The following FGF18 variants were observed in gnomAD, a reference collection of about 807,000 sequenced individuals.
FGF18 encodes fibroblast growth factor 18.
A neutral mutation model predicts 23.0 loss-of-function variants in FGF18; 5 were observed. The ratio of observed to expected loss-of-function variants is 0.22; its 90% CI spans 0.11 to 0.46. FGF18 has a LOEUF of 0.46. Ranked by LOEUF, FGF18 falls within the 20% of genes least tolerant of loss-of-function variation. The probability of loss-of-function intolerance (pLI) is 0.99; values close to 1 mark genes in which losing one functional copy is unlikely to be tolerated. For missense variants in FGF18, 180 were observed against 291.6 expected (o/e 0.62, Z 2.79); for synonymous variants, 117 against 118.9 (o/e 0.98, Z 0.10).
At chr5:171,432,823 T>C (rs942461476) in intron 2 of FGF18, among the ~76,000 whole-genome samples, 1 of 152,242 alleles carries the variant, frequency 6.6e-6, no homozygotes, top group African/African-American at 2.4e-5. Context: ...AGGGCTGATG[T>C]TGGCCTCCAG....
In FGF18 at chr5:171,451,361, G is replaced by A. The variant is rs977125634; in HGVS notation, c.357+2108G>A. On this transcript the variant is annotated intron_variant, in intron 4 of 4. Transcript: ENST00000274625. The surrounding 1 kb of genome is among the most constrained non-coding windows in gnomAD (Gnocchi z 4.5). ...CCTGTCCAGGCTTGACCTCTGCCCC[G>A]CCCAGCGCCCCCTCGCTCTCTGGCC... Among the ~76,000 whole-genome samples, 1 of 151,892 alleles carries A rather than the reference G, an allele frequency of 6.6e-6. No individual in the cohort carries two copies. Among genetic ancestry groups the A allele is most frequent in the African/African-American group, 2.4e-5 (1 of 41,340 alleles).
chr5:171,448,326 CGG>C (rs1206580976), intron 3 of FGF18, among the ~76,000 whole-genome samples: 1 of 152,014 alleles, frequency 6.6e-6, no homozygotes, highest in Admixed American at 6.6e-5. Flanking sequence ...CCTCCATGGA[CGG>C]CAGTGGAATA....
intron 3 of FGF18, among the ~76,000 whole-genome samples, chr5:171,444,577 T>C (rs1440470409): frequency 6.6e-6 from 1 of 150,450 alleles, no homozygotes; most frequent in Non-Finnish European, 1.5e-5. Context: ...AGGGAAAAGG[T>C]CTTTCGCTGT....
rs192258287 is a variant in FGF18, at chr5:171,442,100, C to A, written c.250+5827C>A. ...TTCTGTCCCCAGGGAGGAGTGACCA[C>A]CCACACCTCACCAACCCCTTGACTG... On this transcript the variant is annotated intron_variant, in intron 3 of 4. Transcript: ENST00000274625. 5.8e-4 allele frequency among the ~76,000 whole-genome samples: 88 copies of A among 152,296 alleles called. 1 individual carries two copies. In the East Asian group the frequency reaches 0.012, roughly 20 times the overall value.
rs1400773071 is a variant in FGF18, at chr5:171,432,967, G to A, written c.70-3126G>A. 5.3e-5 allele frequency among the ~76,000 whole-genome samples: 8 copies of A among 152,198 alleles called. No homozygotes were observed. In the South Asian group the frequency reaches 1.4e-3, roughly 28 times the overall value. On this transcript the variant is annotated intron_variant, in intron 2 of 4. Coordinates refer to ENST00000274625, the MANE Select transcript of FGF18 (RefSeq NM_003862.3). ...AGCCATTGCAGTAGAGTGTTCGGGG[G>A]CCCTCACCCAGCCTGGGAGGTGGGG...
intron 3 of FGF18, among the ~76,000 whole-genome samples, chr5:171,448,830 G>T (rs1230468007): frequency 6.6e-6 from 1 of 152,124 alleles, no homozygotes; most frequent in East Asian, 1.9e-4. Context: ...GCACACTGGT[G>T]TTCAGCCACA....
chr5:171,453,756 G>A (rs1304235088), intron 4 of FGF18, among the ~76,000 whole-genome samples: 2 of 152,126 alleles, frequency 1.3e-5, no homozygotes, highest in African/African-American at 4.8e-5. Flanking sequence ...GGGAGACCAA[G>A]TGTGCGAGAC....
In FGF18 at chr5:171,443,500, CATTTTTTTTTT is replaced by C. The variant is rs1352312727; in HGVS notation, c.251-5646_251-5636del. 1.8e-4 allele frequency among the ~76,000 whole-genome samples: 13 copies of C among 70,416 alleles called. 2 individuals are homozygous for C. Among genetic ancestry groups the C allele is most frequent in the South Asian group, 5.8e-4 (1 of 1,730 alleles). The allele number at this position is 70,416 out of a possible 152,430, so 46.2% of individuals were successfully genotyped here. On this transcript the variant is annotated intron_variant, in intron 3 of 4. Coordinates refer to ENST00000274625, the MANE Select transcript of FGF18 (RefSeq NM_003862.3). ...TCAGATAAGTATTCACTGTTATCAT[CATTTTTTTTTT>C]TTTTTTTTTTTTTTTTTTTTTAGCA...
At chr5:171,426,031 G>A (rs548557263) in intron 2 of FGF18, among the ~76,000 whole-genome samples, 1 of 152,308 alleles carries the variant, frequency 6.6e-6, no homozygotes, top group African/African-American at 2.4e-5. Flanking sequence ...GGGCTCTGGA[G>A]TGTGGCTCTG....
In FGF18 at chr5:171,451,695, C is replaced by T. The variant is rs1235232526; in HGVS notation, c.357+2442C>T. Among the ~76,000 whole-genome samples the T allele has an allele frequency of 2.0e-5, 3 of 152,168 alleles. No individual in the cohort carries two copies. Among genetic ancestry groups the T allele is most frequent in the Non-Finnish European group, 2.9e-5 (2 of 68,024 alleles). ...GTCCTCCCACCTTGCTATGGGACAC[C>T]GAAGGCCCTGGGGAGCCTCCCCGGG... On this transcript the variant is annotated intron_variant, in intron 4 of 4. Transcript: ENST00000274625. This position sits in a 1 kb window ranked among gnomAD's most constrained non-coding sequence, Gnocchi z 4.5.
At chr5:171,430,231 G>A (rs1004953864) in intron 2 of FGF18, among the ~76,000 whole-genome samples, 3 of 151,808 alleles carry the variant, frequency 2.0e-5, no homozygotes, top group African/African-American at 2.4e-5. Context: ...GGTGGCAGGC[G>A]CCTGTAATCC....
chr5:171,450,671 G>C (rs966017921), intron 4 of FGF18, among the ~76,000 whole-genome samples: 1 of 152,202 alleles, frequency 6.6e-6, no homozygotes, highest in African/African-American at 2.4e-5. Context: ...GTTTTAATTA[G>C]TGATTCACTT....
At chr5:171,455,078 T>G (rs1772562968) in intron 4 of FGF18, among the ~76,000 whole-genome samples, 1 of 152,206 alleles carries the variant, frequency 6.6e-6, no homozygotes, top group East Asian at 1.9e-4. Context: ...TTGTTCCCAT[T>G]AGGTAGGTGA....
rs1319078903 is a variant in FGF18 at position 171,456,056 on chromosome 5, TCTC to T, written c.358-477_358-475del. Among the ~76,000 whole-genome samples, 16 of 152,130 alleles carry T rather than the reference TCTC, an allele frequency of 1.1e-4. No homozygotes were observed. Among genetic ancestry groups the T allele is most frequent in the Non-Finnish European group, 2.1e-4 (14 of 68,024 alleles). On this transcript the variant is annotated intron_variant, in intron 4 of 4. Coordinates refer to ENST00000274625, the MANE Select transcript of FGF18 (RefSeq NM_003862.3). This position sits in a 1 kb window ranked among gnomAD's most constrained non-coding sequence, Gnocchi z 6.1. ...CCCCTTGTACCTGCTGTCTCCTCTC[TCTC>T]CTCCTAACAAAGAGTCTTCACTCGG...
chr5:171,438,264 G>A (rs918307023), intron 3 of FGF18, among the ~76,000 whole-genome samples: 1 of 151,852 alleles, frequency 6.6e-6, no homozygotes, highest in African/African-American at 2.4e-5. Context: ...ACCACGCCTG[G>A]CTAATTTTTG....
chr5:171,437,534 G>T (rs541617226), intron 3 of FGF18, among the ~76,000 whole-genome samples: 1 of 151,920 alleles, frequency 6.6e-6, no homozygotes, highest in Admixed American at 6.6e-5. Flanking sequence ...GCTTTTCCCC[G>T]TTCCCCGTTT....
At chr5:171,445,535 T>G (rs946731715) in intron 3 of FGF18, among the ~76,000 whole-genome samples, 9 of 103,044 alleles carry the variant, frequency 8.7e-5, no homozygotes, top group Non-Finnish European at 2.1e-4. Context: ...ATTTTTGTGG[T>G]TTTTTTTTTT....
At position 171,434,383 on chromosome 5, in the gene FGF18, GATCCTGCTGTAGCAA is replaced by G. The variant is rs1402185335; in HGVS notation, c.70-1707_70-1693del. On this transcript the variant is annotated intron_variant, in intron 2 of 4. Transcript: ENST00000274625. The surrounding 1 kb of genome is among the most constrained non-coding windows in gnomAD (Gnocchi z 4.6). The stretch of plus-strand genomic sequence containing the variant: ...ACATGCAGGTCAGCTTGGGGACAGA[GATCCTGCTGTAGCAA>G]ATGAAGGAAACACATCCCTGCCCTT... Among the ~76,000 whole-genome samples the G allele has an allele frequency of 1.3e-5, 2 of 152,214 alleles. No homozygotes were observed. Among genetic ancestry groups the G allele is most frequent in the Non-Finnish European group, 2.9e-5 (2 of 68,028 alleles).
At position 171,436,362 on chromosome 5, in the gene FGF18, C is replaced by T; in HGVS notation, c.250+89C>T. On this transcript the variant is annotated intron_variant, in intron 3 of 4. Coordinates refer to ENST00000274625, the MANE Select transcript of FGF18 (RefSeq NM_003862.3). The surrounding 1 kb of genome is among the most constrained non-coding windows in gnomAD (Gnocchi z 4.4). ...ACCTCAAGTTCAAATGCCAGCCTTGCTGCTCCTGGCTGTGTGATCTTGGAC... is the reference window on the plus strand; with the variant it reads ...ACCTCAAGTTCAAATGCCAGCCTTGTTGCTCCTGGCTGTGTGATCTTGGAC... 1 of 1,086,008 alleles carries T rather than the reference C, an allele frequency of 9.2e-7. No homozygotes were observed. Among genetic ancestry groups the T allele is most frequent in the African/African-American group, 1.6e-5 (1 of 61,448 alleles). 67.3% of individuals were successfully genotyped at this position (1,086,008 alleles called of 1,614,324 possible).
Sources: allele counts gnomAD v4.1 joint callset (sites outside exome capture counted in the v4.1 genomes callset), GRCh38; gene constraint gnomAD v4.1.1; non-coding constraint Gnocchi (gnomAD v3.1); transcripts MANE v1.5; gene names NCBI Gene and HGNC (gene_info 2026-07-23, HGNC 2026-07-21).